The following PKHD1L1 variants were observed in gnomAD, a reference collection of about 807,000 sequenced individuals.
The protein encoded by PKHD1L1 is PKHD1 like 1.
PKHD1L1 carries 434 observed loss-of-function variants against 462.9 expected under a neutral mutation model. The ratio of observed to expected loss-of-function variants is 0.94; its 90% confidence interval spans 0.87 to 1.02. The LOEUF is 1.02. Ranked by LOEUF, PKHD1L1 falls within the 50% of genes least tolerant of loss-of-function variation. The probability of loss-of-function intolerance (pLI) is 0.00; values close to 1 mark genes in which losing one functional copy is unlikely to be tolerated. For missense variants in PKHD1L1, 5,202 were observed against 5,096.1 expected, an observed-to-expected ratio of 1.02 and a Z score of -0.63; for synonymous variants, 1,781 against 1,750.0, an observed-to-expected ratio of 1.02 and a Z score of -0.44.
chr8:109,438,881 A>C lies in PKHD1L1; in HGVS notation c.3761-16A>C. The C allele has an allele frequency of 6.5e-7, 1 of 1,537,950 alleles. No homozygotes were observed. Among genetic ancestry groups the C allele is most frequent in the East Asian group, 2.3e-5 (1 of 42,712 alleles). On this transcript the variant is annotated splice_polypyrimidine_tract_variant and intron_variant, in intron 31 of 77. Transcript: ENST00000378402. ...GTTGAACTTTTTGCATTATTTTTTA[A>C]ATTTTAAAATACCAGGAGAAGTTAA... is the stretch of plus-strand genomic sequence containing the variant.
In PKHD1L1 at chr8:109,440,960, C is replaced by A. The variant is rs542122603; in HGVS notation, c.4099+108C>A. 5.3e-6 allele frequency: 7 copies of A among 1,319,778 alleles called. No homozygotes were observed. The South Asian group carries it at 1.2e-4, about 22-fold the overall frequency. 81.8% of individuals were successfully genotyped at this position (1,319,778 alleles called of 1,614,324 possible). The stretch of plus-strand genomic sequence containing the variant: ...TATTCTAAATCACAGCTTTATTTTT[C>A]TAGTAGCATAAAAAAGGTAAGTGTA... On this transcript the variant is annotated intron_variant, in intron 33 of 77. Transcript: ENST00000378402.
intron 24 of PKHD1L1, among the ~76,000 whole-genome samples, chr8:109,425,913 T>C (rs942602665): frequency 1.3e-5 from 2 of 152,142 alleles, no homozygotes; most frequent in Non-Finnish European, 2.9e-5. Context: ...TTTTACCTGG[T>C]TTTGTTTTCT....
chr8:109,474,543 T>C (rs1817881913), intron 50 of PKHD1L1, among the ~76,000 whole-genome samples: 1 of 152,154 alleles, frequency 6.6e-6, no homozygotes, highest in Non-Finnish European at 1.5e-5. Flanking sequence ...TTAATAATTC[T>C]AAATCAAAAC....
At chr8:109,370,683 A>G (rs1426325807) in intron 2 of PKHD1L1, among the ~76,000 whole-genome samples, 1 of 151,880 alleles carries the variant, frequency 6.6e-6, no homozygotes, top group Non-Finnish European at 1.5e-5. Context: ...AACAGGCCCC[A>G]GTGTGTGATG....
At chr8:109,398,711 C>G (rs369116509) in intron 12 of PKHD1L1, among the ~76,000 whole-genome samples, 163 bp downstream of exon 12, 1 of 151,996 alleles carries the variant, frequency 6.6e-6, no homozygotes, top group East Asian at 1.9e-4. Context: ...GAAAATATTT[C>G]TATTAAAATA....
chr8:109,467,793 A>T (rs1817528562), intron 50 of PKHD1L1, among the ~76,000 whole-genome samples: 2 of 152,198 alleles, frequency 1.3e-5, no homozygotes, highest in Non-Finnish European at 2.9e-5. Flanking sequence ...TCTTTATATC[A>T]TCATCAAATA....
At chr8:109,413,679 A>G (rs1034697953) in intron 21 of PKHD1L1, 134 bp downstream of exon 21, 5 of 545,470 alleles carry the variant, frequency 9.2e-6, no homozygotes, top group Non-Finnish European at 1.4e-5. Context: ...CACACAATGG[A>G]TGTAAATGGC....
intron 32 of PKHD1L1, 47 bp downstream of exon 32, chr8:109,439,139 C>A: frequency 6.6e-7 from 1 of 1,521,056 alleles, no homozygotes; most frequent in South Asian, 1.2e-5. Context: ...ACACATGGGG[C>A]TAGTGGAATT....
At chr8:109,442,771 A>G (rs1038483383) in intron 35 of PKHD1L1, among the ~76,000 whole-genome samples, 175 bp from the exon 36 acceptor site, 1 of 152,212 alleles carries the variant, frequency 6.6e-6, no homozygotes, top group Non-Finnish European at 1.5e-5. Context: ...GTTACACAAG[A>G]TAGCTTTTAA....
intron 33 of PKHD1L1, among the ~76,000 whole-genome samples, 181 bp downstream of exon 33, chr8:109,441,033 A>G (rs1028747960): frequency 6.6e-6 from 1 of 152,162 alleles, no homozygotes; most frequent in African/African-American, 2.4e-5. Flanking sequence ...TTTTATTTCA[A>G]TAAATAATTA....
chr8:109,525,569 C>T (rs1314797151), intron 76 of PKHD1L1, among the ~76,000 whole-genome samples: 4 of 152,116 alleles, frequency 2.6e-5, no homozygotes, highest in Admixed American at 1.3e-4. Flanking sequence ...GGTCATATCT[C>T]TATGGACCTG....
Position 109,492,724 on chromosome 8 carries a change from G to C in PKHD1L1, c.10236+730G>C, listed in dbSNP as rs183490766. ...CTATCTATGGCTTTTGAAGGAAAAAGTACTTAATTGACATTTATGAATTCA... is the reference window on the plus strand; with the variant it reads ...CTATCTATGGCTTTTGAAGGAAAAACTACTTAATTGACATTTATGAATTCA... On this transcript the variant is annotated intron_variant, in intron 62 of 77. Transcript: ENST00000378402. 2.2e-4 allele frequency among the ~76,000 whole-genome samples: 34 copies of C among 151,836 alleles called. 1 individual carries two copies. Among genetic ancestry groups the C allele is most frequent in the Admixed American group, 2.1e-3 (32 of 15,220 alleles).
intron 65 of PKHD1L1, among the ~76,000 whole-genome samples, chr8:109,498,082 G>GTT (rs1819205816): frequency 3.1e-5 from 3 of 97,394 alleles, no homozygotes; most frequent in African/African-American, 1.3e-4. Context: ...TCATTATCAT[G>GTT]TTTTCTTTTT....
chr8:109,363,779 T>C (rs943732316), intron 1 of PKHD1L1, among the ~76,000 whole-genome samples: 5 of 152,212 alleles, frequency 3.3e-5, no homozygotes, highest in African/African-American at 9.7e-5. Flanking sequence ...TAATTCATAT[T>C]TGTCCTTAAA....
At chr8:109,489,859 A>G (rs1818742751) in intron 59 of PKHD1L1, 93 bp from the exon 60 acceptor site, 2 of 778,348 alleles carry the variant, frequency 2.6e-6, no homozygotes, top group Non-Finnish European at 4.3e-6. Flanking sequence ...TGATTTTTTC[A>G]TGAAAAATTT....
In PKHD1L1 at chr8:109,425,072, T is replaced by C; in HGVS notation, c.2698-13T>C. Reference sequence around the variant, plus strand: ...AGTTTAATCATTTTATCAATATTTATTTTGGAAATTAGATAATCACACATG... The same window carrying C: ...AGTTTAATCATTTTATCAATATTTACTTTGGAAATTAGATAATCACACATG... On this transcript the variant is annotated splice_polypyrimidine_tract_variant and intron_variant, in intron 23 of 77. Transcript: ENST00000378402. The C allele has an allele frequency of 6.5e-7, 1 of 1,546,746 alleles. No individual in the cohort carries two copies. The highest frequency in any genetic ancestry group is 1.7e-4 in the Middle Eastern group (1 of 5,854).
At chr8:109,451,577 A>G (rs1288792106) in intron 41 of PKHD1L1, among the ~76,000 whole-genome samples, 1 of 152,150 alleles carries the variant, frequency 6.6e-6, no homozygotes, top group Non-Finnish European at 1.5e-5. Context: ...GTAATTGCTC[A>G]AGTTTCTTTT....
At chr8:109,416,092 G>A (rs868068015) in intron 21 of PKHD1L1, among the ~76,000 whole-genome samples, 3 of 152,152 alleles carry the variant, frequency 2.0e-5, no homozygotes, top group African/African-American at 2.4e-5. Context: ...TTAGTCATGA[G>A]GTAGGAGTCC....
chr8:109,449,198 T>A (rs1431778813), intron 39 of PKHD1L1, 140 bp from the exon 40 acceptor site: 1 of 717,394 alleles, frequency 1.4e-6, no homozygotes, highest in Non-Finnish European at 2.1e-6. Context: ...AATAGAATAA[T>A]GCACTATAAT....
Sources: allele counts gnomAD v4.1 joint callset (sites outside exome capture counted in the v4.1 genomes callset), GRCh38; gene constraint gnomAD v4.1.1; transcripts MANE v1.5; gene names NCBI Gene and HGNC (gene_info 2026-07-23, HGNC 2026-07-21).